ANKRD31: variants seen among roughly 807,000 people sequenced by gnomAD.
ANKRD31 encodes ankyrin repeat domain-containing protein 31.
Under a neutral mutation model 186.0 loss-of-function variants are expected in ANKRD31, and 147 were observed. The ratio of observed to expected loss-of-function variants is 0.79; its 90% CI spans 0.69 to 0.91. The LOEUF is 0.91. ANKRD31 is among the 40% of genes least tolerant of loss of function. The pLI, the probability that ANKRD31 is intolerant of heterozygous loss-of-function variation, is 0.00. For synonymous variants in ANKRD31, 673 were observed against 736.4 expected (o/e 0.91, Z 1.39); for missense variants, 1,986 against 2,148.8 (o/e 0.92, Z 1.50).
In ANKRD31 at chr5:75,147,136, T is replaced by C. The variant is rs1272764638; in HGVS notation, c.2275A>G (p.Ile759Val). Residue 759 changes from isoleucine to valine, a missense_variant, in exon 14 of 26, where the codon ATA (isoleucine) becomes GTA (valine). Transcript: ENST00000506364. The part of the protein sequence containing the change: ...KILAVSPSRR[I>V]NRLVTYQQHI... ...TGCTGATAGGTAACCAATCTGTTTA[T>C]TCTCCTGGAAGGAGAGACAGCTAGT... The C allele has an allele frequency of 6.5e-7, 1 of 1,536,388 alleles. No homozygotes were observed. Among genetic ancestry groups the C allele is most frequent in the Non-Finnish European group, 8.7e-7 (1 of 1,146,330 alleles).
intron 8 of ANKRD31, 66 bp downstream of exon 8, chr5:75,193,245 C>T: frequency 6.8e-7 from 1 of 1,461,760 alleles, no homozygotes; most frequent in Non-Finnish European, 9.1e-7. Context: ...CTGATGTCCC[C>T]AAGCATATAA....
chr5:75,130,085 T>C (rs1749643270), intron 17 of ANKRD31, among the ~76,000 whole-genome samples: 1 of 152,108 alleles, frequency 6.6e-6, no homozygotes, highest in Non-Finnish European at 1.5e-5. Context: ...TGTTCGGACG[T>C]GTCCAGAGTT....
chr5:75,166,099 C>A (rs4703658), intron 11 of ANKRD31, among the ~76,000 whole-genome samples: 28,455 of 152,018 alleles, frequency 0.19, 3,372 homozygotes, highest in African/African-American at 0.34. Flanking sequence ...ACTCCAATAA[C>A]AAAATCAGTT....
chr5:75,104,901 T>C lies in ANKRD31; in HGVS notation c.4658A>G (p.Gln1553Arg). The C allele has an allele frequency of 1.3e-6, 2 of 1,537,242 alleles. No homozygotes were observed. The highest frequency in any genetic ancestry group is 1.7e-6 in the Non-Finnish European group (2 of 1,146,902). Residue 1553 changes from glutamine (Q) to arginine (R), a missense_variant, in exon 22 of 26, where the codon CAA becomes CGA. By Grantham distance (43) the Gln-to-Arg change is conservative. Coordinates refer to ENST00000506364, the MANE Select transcript of ANKRD31 (RefSeq NM_001372053.1). ...TGAATTTAGACAAATGTTGGTATTTTGGCTGTAGTTCCAAGTTTCCAGAGA... is the reference window on the plus strand; with the variant it reads ...TGAATTTAGACAAATGTTGGTATTTCGGCTGTAGTTCCAAGTTTCCAGAGA... ...QLSLETWNYS[Q>R]NTNICLNSEA...
intron 14 of ANKRD31, among the ~76,000 whole-genome samples, chr5:75,144,404 T>C (rs569685652): frequency 1.8e-4 from 28 of 152,198 alleles, no homozygotes; most frequent in African/African-American, 6.0e-4. Context: ...GCTATCAAAA[T>C]GTTGTTAGGT....
At chr5:75,102,294 G>A (rs563925588) in intron 22 of ANKRD31, among the ~76,000 whole-genome samples, 2 of 152,326 alleles carry the variant, frequency 1.3e-5, no homozygotes, top group East Asian at 1.9e-4. Flanking sequence ...TCCTCTGGAA[G>A]CTTCGTCTCA....
intron 17 of ANKRD31, among the ~76,000 whole-genome samples, chr5:75,120,507 C>CTA (rs1212906708): frequency 6.6e-6 from 1 of 152,150 alleles, no homozygotes; most frequent in African/African-American, 2.4e-5. Context: ...TGGAGACATA[C>CTA]TATATGCCAG....
At chr5:75,083,769 C>A (rs1302623009) in intron 24 of ANKRD31, among the ~76,000 whole-genome samples, 1 of 151,700 alleles carries the variant, frequency 6.6e-6, no homozygotes, top group East Asian at 1.9e-4. Context: ...ACCCTAATGC[C>A]CATCAAAGGA....
At chr5:75,097,398 C>A (rs1314684187) in intron 22 of ANKRD31, among the ~76,000 whole-genome samples, 1 of 152,202 alleles carries the variant, frequency 6.6e-6, no homozygotes, top group Non-Finnish European at 1.5e-5. Flanking sequence ...ATTTTCATTT[C>A]TCTGATGGCC....
At chr5:75,215,656 ATTGT>A (rs1170343328) in intron 3 of ANKRD31, among the ~76,000 whole-genome samples, 2 of 152,162 alleles carry the variant, frequency 1.3e-5, no homozygotes, top group Non-Finnish European at 2.9e-5. Context: ...CTATTTCTTC[ATTGT>A]TTGTTCTTAT....
In ANKRD31 at chr5:75,118,160, TC is replaced by T. The variant is rs1343178896; in HGVS notation, c.4013del (p.Arg1338LysfsTer7). 1 of 1,495,168 alleles carries T rather than the reference TC, an allele frequency of 6.7e-7. No homozygotes were observed. Among genetic ancestry groups the T allele is most frequent in the South Asian group, 1.3e-5 (1 of 74,910 alleles). The allele number at this position is 1,495,168 out of a possible 1,614,324, so 92.6% of individuals were successfully genotyped here. ...CATTGACTATAGCATCACTCTCATC[TC>T]TATTAACAGTCTCAATAGCACCATA... Reference protein sequence around the residue: ...RSYGAIETVNRDESDAIVNEK... With the variant: ...RSYGAIETVNXDESDAIVNEK... On this transcript the variant is annotated frameshift_variant, in exon 18 of 26. Coordinates refer to ENST00000506364, the MANE Select transcript of ANKRD31 (RefSeq NM_001372053.1). LOFTEE classifies it high-confidence loss of function.
chr5:75,172,564 C>T (rs931367990), intron 10 of ANKRD31, among the ~76,000 whole-genome samples: 4 of 151,896 alleles, frequency 2.6e-5, no homozygotes, highest in Admixed American at 6.6e-5. Flanking sequence ...ATATCACCAC[C>T]GATCCCACAG....
At chr5:75,093,750 T>C (rs1302604903) in intron 22 of ANKRD31, among the ~76,000 whole-genome samples, 1 of 152,134 alleles carries the variant, frequency 6.6e-6, no homozygotes, top group African/African-American at 2.4e-5. Flanking sequence ...ATATTCAAAG[T>C]GTACAAAGAA....
intron 17 of ANKRD31, among the ~76,000 whole-genome samples, chr5:75,130,516 C>A (rs112417215): frequency 0.048 from 7,359 of 152,160 alleles, 389 homozygotes; most frequent in African/African-American, 0.13. Flanking sequence ...GCTGACTGGT[C>A]CGTTTTGACA....
chr5:75,147,352 T>C lies in ANKRD31; in HGVS notation c.2059A>G (p.Lys687Glu). The part of the protein sequence containing the change: ...DVYEYYQKDP[K>E]NTKFGKSKHK... ...TTGGATTTACCAAATTTTGTGTTTTTGGGATCTTTTTGGTAATATTCATAT... is the reference window on the plus strand; with the variant it reads ...TTGGATTTACCAAATTTTGTGTTTTCGGGATCTTTTTGGTAATATTCATAT... Residue 687 changes from lysine (K) to glutamate (E), a missense_variant, in exon 14 of 26, where the codon AAA (lysine) becomes GAA (glutamate). Physicochemically the swap from Lys to Glu is moderately conservative, Grantham distance 56. Transcript: ENST00000506364. 2 of 1,533,104 alleles carry C rather than the reference T, an allele frequency of 1.3e-6. No homozygotes were observed. Among genetic ancestry groups the C allele is most frequent in the South Asian group, 1.2e-5 (1 of 83,236 alleles). The allele number at this position is 1,533,104 out of a possible 1,614,324, so 95.0% of individuals were successfully genotyped here.
chr5:75,114,059 T>C (rs1007039202), intron 19 of ANKRD31, among the ~76,000 whole-genome samples: 1 of 152,208 alleles, frequency 6.6e-6, no homozygotes. Flanking sequence ...ATTTTGTGTC[T>C]AGTTAAGCTT....
At chr5:75,138,632 C>T (rs1166840543) in intron 16 of ANKRD31, among the ~76,000 whole-genome samples, 1 of 151,980 alleles carries the variant, frequency 6.6e-6, no homozygotes, top group East Asian at 1.9e-4. Flanking sequence ...TCTGATGCTC[C>T]CAAATGGATG....
intron 22 of ANKRD31, among the ~76,000 whole-genome samples, chr5:75,097,057 C>T (rs142735182): frequency 0.15 from 22,416 of 152,108 alleles, 1,765 homozygotes; most frequent in Non-Finnish European, 0.16. Context: ...TCCAGTCTAT[C>T]ATTGATGGAC....
intron 12 of ANKRD31, among the ~76,000 whole-genome samples, chr5:75,149,186 C>A (rs1751690869): frequency 1.3e-5 from 2 of 151,854 alleles, no homozygotes; most frequent in South Asian, 2.1e-4. Context: ...CTCTTCATAG[C>A]CTCCTTTATG....
Sources: allele counts gnomAD v4.1 joint callset (sites outside exome capture counted in the v4.1 genomes callset), GRCh38; gene constraint gnomAD v4.1.1; transcripts MANE v1.5; gene names NCBI Gene and HGNC (gene_info 2026-07-23, HGNC 2026-07-21).